QTMAN: variants seen among roughly 807,000 people sequenced by gnomAD.
The protein encoded by QTMAN is queuosine-tRNA mannosyltransferase, also known as tRNA-queuosine alpha-mannosyltransferase.
chr2:144,073,690 A>G, the QTMAN span, among the ~76,000 whole-genome samples: 2 of 152,216 alleles, frequency 1.3e-5, no homozygotes, highest in Non-Finnish European at 2.9e-5. Flanking sequence ...ATAACGGTTC[A>G]AAAGCTACCA....
the QTMAN span, chr2:143,957,157 G>T: frequency 6.6e-7 from 1 of 1,515,146 alleles, no homozygotes; most frequent in Non-Finnish European, 8.9e-7. Context: ...ACTGATTAGA[G>T]ATTGCTTTAT....
the QTMAN span, chr2:143,946,456 T>G: frequency 6.6e-6 from 1 of 152,600 alleles, no homozygotes; most frequent in African/African-American, 2.4e-5. Flanking sequence ...AAAAGAAAAG[T>G]GCTAAAGCAG....
At chr2:144,050,781 G>GCACACACACACA in the QTMAN span, among the ~76,000 whole-genome samples, 102 of 149,008 alleles carry the variant, frequency 6.8e-4, no homozygotes, top group African/African-American at 2.3e-3. Flanking sequence ...CTTTCAGTCA[G>GCACACACACACA]CACACACACA....
At chr2:144,083,003 G>A in the QTMAN span, among the ~76,000 whole-genome samples, 1 of 152,092 alleles carries the variant, frequency 6.6e-6, no homozygotes, top group Admixed American at 6.6e-5. Context: ...GGCAAAGAAG[G>A]TGGGAAGTTC....
chr2:144,262,309 C>T, the QTMAN span, among the ~76,000 whole-genome samples: 9 of 152,044 alleles, frequency 5.9e-5, no homozygotes, highest in South Asian at 4.2e-4. Context: ...CTGTTCTTAC[C>T]GGCTTTGGTC....
At chr2:144,126,169 T>G in the QTMAN span, among the ~76,000 whole-genome samples, 1 of 152,020 alleles carries the variant, frequency 6.6e-6, no homozygotes, top group Non-Finnish European at 1.5e-5. Flanking sequence ...GGTGTCATGA[T>G]GCAACCAAGA....
At chr2:144,189,189 T>C in the QTMAN span, among the ~76,000 whole-genome samples, 1 of 152,210 alleles carries the variant, frequency 6.6e-6, no homozygotes, top group Non-Finnish European at 1.5e-5. Flanking sequence ...GGTCTGGATA[T>C]GTTGCCCAGG....
At chr2:144,304,168 G>A in the QTMAN span, among the ~76,000 whole-genome samples, 2 of 152,170 alleles carry the variant, frequency 1.3e-5, no homozygotes, top group Non-Finnish European at 2.9e-5. Context: ...AAGAGTAGAC[G>A]GACTTCGTTG....
the QTMAN span, among the ~76,000 whole-genome samples, chr2:144,004,425 A>G: frequency 6.6e-6 from 1 of 151,974 alleles, no homozygotes; most frequent in East Asian, 1.9e-4. Context: ...CAGAATCTTA[A>G]TTTTCTAATT....
At chr2:144,033,959 T>A in the QTMAN span, among the ~76,000 whole-genome samples, 12 of 152,180 alleles carry the variant, frequency 7.9e-5, no homozygotes, top group African/African-American at 2.9e-4. Context: ...TGGGGCTGCA[T>A]GGGATGAGTG....
At chr2:143,986,436 A>C in the QTMAN span, among the ~76,000 whole-genome samples, 1 of 152,214 alleles carries the variant, frequency 6.6e-6, no homozygotes, top group South Asian at 2.1e-4. Context: ...TCTAAATTCT[A>C]ATCAAGGAGA....
chr2:144,219,965 AAGG>A, the QTMAN span, among the ~76,000 whole-genome samples: 4 of 152,196 alleles, frequency 2.6e-5, no homozygotes, highest in African/African-American at 4.8e-5. Context: ...TTATTTTTTG[AAGG>A]AGTTCTTTTT....
chr2:144,201,898 T>C, the QTMAN span, among the ~76,000 whole-genome samples: 694 of 152,226 alleles, frequency 4.6e-3, 6 homozygotes, highest in Middle Eastern at 0.024. Context: ...AAGGAAAACA[T>C]AGCAGAGACT....
At chr2:144,311,999 T>C in the QTMAN span, among the ~76,000 whole-genome samples, 1 of 152,166 alleles carries the variant, frequency 6.6e-6, no homozygotes, top group African/African-American at 2.4e-5. Flanking sequence ...CTGAACTCAA[T>C]GGAATATATG....
chr2:144,178,036 A>G, the QTMAN span, among the ~76,000 whole-genome samples: 1 of 152,194 alleles, frequency 6.6e-6, no homozygotes, highest in South Asian at 2.1e-4. Flanking sequence ...ACTAAGTTCC[A>G]CAAAGGTAGG....
the QTMAN span, among the ~76,000 whole-genome samples, chr2:144,100,855 C>CT: frequency 1.0e-5 from 1 of 99,162 alleles, no homozygotes; most frequent in Admixed American, 1.0e-4. Context: ...TTTAGTCTTT[C>CT]TTTCTTTTTT....
At chr2:144,082,618 A>G in the QTMAN span, among the ~76,000 whole-genome samples, 1 of 152,156 alleles carries the variant, frequency 6.6e-6, no homozygotes, top group East Asian at 1.9e-4. Flanking sequence ...TGATGATTAT[A>G]GGCACATATA....
the QTMAN span, among the ~76,000 whole-genome samples, chr2:144,201,824 A>T: frequency 6.6e-6 from 1 of 152,194 alleles, no homozygotes; most frequent in Non-Finnish European, 1.5e-5. Flanking sequence ...CACATATTCA[A>T]CCAGGAATTT....
the QTMAN span, among the ~76,000 whole-genome samples, chr2:144,195,589 C>A: frequency 6.6e-6 from 1 of 152,106 alleles, no homozygotes; most frequent in Non-Finnish European, 1.5e-5. Context: ...GTTTCTCAGG[C>A]AGTTCAATTC....
Sources: allele counts gnomAD v4.1 joint callset (sites outside exome capture counted in the v4.1 genomes callset), GRCh38; gene constraint gnomAD v4.1.1; transcripts MANE v1.5; gene names NCBI Gene and HGNC (gene_info 2026-07-23, HGNC 2026-07-21).